The following TBL1X variants were observed in gnomAD, a reference collection of about 807,000 sequenced individuals.
TBL1X encodes F-box-like/WD repeat-containing protein TBL1X.
A neutral mutation model predicts 50.7 loss-of-function variants in TBL1X; 10 were observed. The ratio of observed to expected loss-of-function variants is 0.20; its 90% CI spans 0.12 to 0.33. The LOEUF is 0.33. TBL1X is among the 10% of genes least tolerant of loss of function. The probability of loss-of-function intolerance (pLI) is 1.00; values close to 1 mark genes in which losing one functional copy is unlikely to be tolerated. For missense variants in TBL1X, 340 were observed against 504.4 expected (o/e 0.67, Z 3.12); for synonymous variants, 190 against 214.7 (o/e 0.88, Z 1.01).
intron 7 of TBL1X, 123 bp from the exon 8 acceptor site, chrX:9,691,456 A>G (rs1340616449): frequency 4.4e-6 from 3 of 678,635 alleles, no homozygotes; most frequent in East Asian, 3.9e-5. Flanking sequence ...AAAAAAAAAG[A>G]AAAGGAATCA....
intron 3 of TBL1X, among the ~76,000 whole-genome samples, chrX:9,644,434 C>G (rs752878700): frequency 1.8e-5 from 2 of 111,256 alleles, no homozygotes; most frequent in Admixed American, 1.9e-4. Context: ...TTCTTACATG[C>G]ATTGTCCGGC....
intron 2 of TBL1X, among the ~76,000 whole-genome samples, chrX:9,531,354 G>GGTGTGTGTGTGTGT (rs57905343): frequency 0.014 from 1,086 of 75,167 alleles, 14 homozygotes; most frequent in Non-Finnish European, 0.019. Context: ...GAACCTGGAG[G>GGTGTGTGTGTGTGT]GTGTGTGTGT....
At chrX:9,647,088 A>G (rs772165042) in intron 3 of TBL1X, among the ~76,000 whole-genome samples, 56 of 111,878 alleles carry the variant, frequency 5.0e-4, no homozygotes, top group African/African-American at 1.7e-3. Flanking sequence ...CTCTAACTAC[A>G]TACTCAATGA....
intron 2 of TBL1X, among the ~76,000 whole-genome samples, chrX:9,639,275 A>G (rs900914643): frequency 9.0e-6 from 1 of 110,965 alleles, no homozygotes; most frequent in African/African-American, 3.3e-5. Context: ...CTAATAAGAA[A>G]CACCTTCACT....
intron 5 of TBL1X, among the ~76,000 whole-genome samples, chrX:9,683,537 C>T (rs1453911476): frequency 9.0e-6 from 1 of 111,710 alleles, no homozygotes; most frequent in East Asian, 2.8e-4. Context: ...AGTTGTGATA[C>T]ACTTGCCCCG....
chrX:9,711,861 G>T, intron 16 of TBL1X, 85 bp downstream of exon 16: 1 of 1,022,248 alleles, frequency 9.8e-7, no homozygotes, highest in Non-Finnish European at 1.3e-6. Flanking sequence ...TCAGAGCAGT[G>T]CCCCGGAGGG....
intron 1 of TBL1X, among the ~76,000 whole-genome samples, chrX:9,481,604 A>G (rs1015706914): frequency 7.1e-5 from 8 of 112,441 alleles, no homozygotes; most frequent in South Asian, 3.6e-4. Flanking sequence ...TTAAGGAATC[A>G]AAGTTGACTT....
intron 2 of TBL1X, chrX:9,637,431 A>G (rs1478833701): frequency 8.9e-6 from 1 of 112,327 alleles, no homozygotes; most frequent in East Asian, 2.8e-4. Flanking sequence ...GTGATCAGCA[A>G]CTGTAATGTT....
intron 5 of TBL1X, among the ~76,000 whole-genome samples, chrX:9,654,836 G>A (rs975178269): frequency 4.5e-5 from 5 of 111,472 alleles, no homozygotes; most frequent in Admixed American, 1.9e-4. Flanking sequence ...ACATGTGTTC[G>A]TTGTTGACAA....
chrX:9,467,228 C>A, intron 1 of TBL1X, among the ~76,000 whole-genome samples: 1 of 111,374 alleles, frequency 9.0e-6, no homozygotes, highest in African/African-American at 3.3e-5. Context: ...GGAAAATGGT[C>A]CCTGCAGAGG....
intron 5 of TBL1X, among the ~76,000 whole-genome samples, chrX:9,674,876 A>C (rs2082983995): frequency 9.0e-6 from 1 of 111,698 alleles, no homozygotes; most frequent in Non-Finnish European, 1.9e-5. Flanking sequence ...CACCACACCC[A>C]GTGCCAATCT....
At chrX:9,636,484 A>G (rs1306834395) in intron 2 of TBL1X, 1 of 58,581 alleles carries the variant, frequency 1.7e-5, no homozygotes, top group Non-Finnish European at 3.0e-5. Context: ...AAAACAAAGC[A>G]AAACAACAAC....
chrX:9,538,677 G>T (rs2082200951), intron 2 of TBL1X, among the ~76,000 whole-genome samples: 1 of 112,388 alleles, frequency 8.9e-6, no homozygotes, highest in Admixed American at 9.4e-5. Flanking sequence ...AAGGGTGAGG[G>T]GGAGGTTCCA....
At chrX:9,497,118 G>T (rs1014325732) in intron 1 of TBL1X, among the ~76,000 whole-genome samples, 2 of 111,557 alleles carry the variant, frequency 1.8e-5, no homozygotes, top group Admixed American at 1.9e-4. Context: ...TGTCGTTAAA[G>T]ATATCCATGG....
At chrX:9,680,193 A>G (rs761046611) in intron 5 of TBL1X, among the ~76,000 whole-genome samples, 3 of 111,689 alleles carry the variant, frequency 2.7e-5, no homozygotes, top group Non-Finnish European at 3.8e-5. Context: ...TAATACCGTC[A>G]CTTTGGGGAT....
chrX:9,579,304 A>T (rs2082428115), intron 2 of TBL1X, among the ~76,000 whole-genome samples: 1 of 112,312 alleles, frequency 8.9e-6, no homozygotes, highest in African/African-American at 3.2e-5. Flanking sequence ...GTCATCACAA[A>T]TGATGATCTT....
upstream of TBL1X, among the ~76,000 whole-genome samples, chrX:9,464,468 ACTACTGGGGTG>A (rs1357391069): frequency 3.6e-5 from 4 of 110,676 alleles, no homozygotes; most frequent in African/African-American, 1.3e-4. Flanking sequence ...TGGGGTAAAG[ACTACTGGGGTG>A]TCTTCTAAGA....
intron 5 of TBL1X, among the ~76,000 whole-genome samples, chrX:9,658,246 CT>C (rs1908757813): frequency 9.0e-6 from 1 of 111,569 alleles, no homozygotes; most frequent in South Asian, 3.8e-4. Context: ...TGATAATGGA[CT>C]AATACAGTGT....
At chrX:9,513,376 A>G (rs1472998856) in intron 2 of TBL1X, among the ~76,000 whole-genome samples, 1 of 110,072 alleles carries the variant, frequency 9.1e-6, no homozygotes, top group African/African-American at 3.3e-5. Flanking sequence ...GGTGCAGAAG[A>G]TTTGGAGGGA....
Sources: allele counts gnomAD v4.1 joint callset (sites outside exome capture counted in the v4.1 genomes callset), GRCh38; gene constraint gnomAD v4.1.1; transcripts MANE v1.5; gene names NCBI Gene and HGNC (gene_info 2026-07-23, HGNC 2026-07-21).